COL6A6: variants seen among roughly 807,000 people sequenced by gnomAD.
COL6A6 encodes collagen type VI alpha 6 chain, also known as collagen alpha-6(VI) chain.
COL6A6 carries 183 observed loss-of-function variants against 208.6 expected under a neutral mutation model. That is an observed-to-expected ratio of 0.88 (90% CI 0.78 to 0.99). The LOEUF (loss-of-function observed/expected upper bound fraction) is 0.99. Ranked by LOEUF, COL6A6 falls within the 50% of genes least tolerant of loss-of-function variation. The pLI, the probability that COL6A6 is intolerant of heterozygous loss-of-function variation, is 0.00. For synonymous variants in COL6A6, 973 were observed against 1,011.8 expected, an observed-to-expected ratio of 0.96 and a Z score of 0.73; for missense variants, 2,816 against 2,815.2, an observed-to-expected ratio of 1.00 and a Z score of -0.01.
chr3:130,673,519 G>T (rs961532371), intron 36 of COL6A6, among the ~76,000 whole-genome samples: 2 of 152,118 alleles, frequency 1.3e-5, no homozygotes, highest in African/African-American at 4.8e-5. Flanking sequence ...GGCTAGGGAA[G>T]AGTCCAGTAA....
intron 23 of COL6A6, among the ~76,000 whole-genome samples, chr3:130,621,156 T>C (rs1436015431): frequency 2.0e-5 from 3 of 152,238 alleles, no homozygotes; most frequent in Non-Finnish European, 4.4e-5. Context: ...AGTTTTGCTA[T>C]GTTCTTCAAT....
intron 7 of COL6A6, among the ~76,000 whole-genome samples, chr3:130,573,505 C>G (rs1033361086): frequency 2.6e-5 from 4 of 151,890 alleles, no homozygotes; most frequent in Non-Finnish European, 5.9e-5. Context: ...ATTATTGTGA[C>G]CACATGCTAG....
chr3:130,590,254 CATATATATATATATAT>C (rs1299611852), intron 12 of COL6A6, among the ~76,000 whole-genome samples: 57 of 11,664 alleles, frequency 4.9e-3, no homozygotes, highest in Middle Eastern at 0.17. Context: ...CTTTTTTTTT[CATATATATATATATAT>C]ATATATATAT....
intron 33 of COL6A6, 71 bp from the exon 34 acceptor site, chr3:130,658,605 C>T (rs1195344439): frequency 2.1e-6 from 2 of 961,008 alleles, no homozygotes; most frequent in Non-Finnish European, 1.6e-6. Flanking sequence ...GATGTCAGTT[C>T]TCTATGTAGT....
chr3:130,599,860 G>A (rs778579818), intron 20 of COL6A6, 50 bp downstream of exon 20: 7 of 1,586,118 alleles, frequency 4.4e-6, no homozygotes, highest in Non-Finnish European at 6.1e-6. Context: ...GGCTCATGTT[G>A]TGGTGAAAAT....
chr3:130,528,268 G>C (rs1421100234), intron 1 of COL6A6, among the ~76,000 whole-genome samples: 1 of 152,166 alleles, frequency 6.6e-6, no homozygotes, highest in Non-Finnish European at 1.5e-5. Flanking sequence ...GCAGTGGCCA[G>C]ATGGGCATGG....
At chr3:130,669,454 GAATA>G (rs992824324) in intron 36 of COL6A6, among the ~76,000 whole-genome samples, 7 of 151,154 alleles carry the variant, frequency 4.6e-5, no homozygotes, top group South Asian at 2.1e-4. Context: ...ATTTTAAAGG[GAATA>G]AATAAATAAT....
chr3:130,656,762 C>A (rs1191380598), intron 33 of COL6A6, among the ~76,000 whole-genome samples: 3 of 152,230 alleles, frequency 2.0e-5, no homozygotes, highest in Non-Finnish European at 4.4e-5. Flanking sequence ...TGAGAACCCC[C>A]CTTGGACTCC....
At chr3:130,544,112 C>A (rs6775031) in intron 1 of COL6A6, among the ~76,000 whole-genome samples, 4,973 of 152,216 alleles carry the variant, frequency 0.033, 284 homozygotes, top group African/African-American at 0.11. Flanking sequence ...CTTATTCATC[C>A]TATATATCTG....
chr3:130,558,794 A>T (rs1053554000), intron 1 of COL6A6, among the ~76,000 whole-genome samples: 2 of 152,258 alleles, frequency 1.3e-5, no homozygotes, highest in African/African-American at 4.8e-5. Flanking sequence ...AAAAGGTATG[A>T]AAACAAGTAC....
intron 20 of COL6A6, among the ~76,000 whole-genome samples, chr3:130,601,803 A>C (rs2064029478): frequency 1.3e-5 from 2 of 152,254 alleles, no homozygotes; most frequent in Non-Finnish European, 2.9e-5. Flanking sequence ...ATGGCGAAAC[A>C]GAGAATAACC....
At chr3:130,654,618 TC>T (rs1373243627) in intron 33 of COL6A6, among the ~76,000 whole-genome samples, 2 of 152,212 alleles carry the variant, frequency 1.3e-5, no homozygotes, top group Non-Finnish European at 2.9e-5. Context: ...AGCCCAGGTG[TC>T]CTCTGGTCCT....
chr3:130,560,441 T>C lies in COL6A6; in HGVS notation c.64+13T>C. 5.0e-6 allele frequency: 8 copies of C among 1,599,500 alleles called. No individual in the cohort carries two copies. The highest frequency in any genetic ancestry group is 6.8e-6 in the Non-Finnish European group (8 of 1,170,220). On this transcript the variant is annotated intron_variant, in intron 2 of 36. Coordinates refer to ENST00000358511, the MANE Select transcript of COL6A6 (RefSeq NM_001102608.3). ...AACCAAGATTCCGGTAAGGAAAAAC[T>C]GGAAAGAATTCTTAATTTTGATTAT...
intron 36 of COL6A6, among the ~76,000 whole-genome samples, chr3:130,672,371 A>C (rs1309495355): frequency 1.3e-5 from 2 of 151,994 alleles, no homozygotes; most frequent in Admixed American, 6.5e-5. Flanking sequence ...ATAAAGAGAA[A>C]CAAAGTCTTA....
At chr3:130,584,265 C>T (rs1007507236) in intron 10 of COL6A6, among the ~76,000 whole-genome samples, 2 of 151,980 alleles carry the variant, frequency 1.3e-5, no homozygotes, top group African/African-American at 4.8e-5. Context: ...GTCAACAATC[C>T]CCTGGTTCTT....
rs149845366 is a variant in COL6A6 at position 130,523,730 on chromosome 3, C to G, written c.-32+6333C>G. Among the ~76,000 whole-genome samples the G allele has an allele frequency of 4.9e-4, 74 of 152,298 alleles. 1 individual carries two copies. The East Asian group carries it at 9.6e-3, about 20-fold the overall frequency. On this transcript the variant is annotated intron_variant, in intron 1 of 36. Coordinates refer to ENST00000358511, the MANE Select transcript of COL6A6 (RefSeq NM_001102608.3). ...TTAAAGGGGCACTTTGATGTAGCAG[C>G]TCTGGGAGGAACCCAGAGGGAGGAA...
At chr3:130,536,844 T>C (rs950215322) in intron 1 of COL6A6, among the ~76,000 whole-genome samples, 12 of 152,222 alleles carry the variant, frequency 7.9e-5, no homozygotes, top group Non-Finnish European at 1.6e-4. Flanking sequence ...TTGAATAATA[T>C]GTAATTGGCC....
intron 13 of COL6A6, among the ~76,000 whole-genome samples, chr3:130,591,335 C>T (rs1236432286): frequency 1.3e-5 from 2 of 152,190 alleles, no homozygotes; most frequent in African/African-American, 4.8e-5. Flanking sequence ...CGGAAGTAAC[C>T]TCCTTCACTA....
At chr3:130,556,661 G>C (rs1237497201) in intron 1 of COL6A6, among the ~76,000 whole-genome samples, 3 of 151,788 alleles carry the variant, frequency 2.0e-5, no homozygotes, top group Admixed American at 6.6e-5. Context: ...TTTTAGTATT[G>C]TAGTATCTAT....
Sources: allele counts gnomAD v4.1 joint callset (sites outside exome capture counted in the v4.1 genomes callset), GRCh38; gene constraint gnomAD v4.1.1; transcripts MANE v1.5; gene names NCBI Gene and HGNC (gene_info 2026-07-23, HGNC 2026-07-21).